WFDC1: variants seen among roughly 807,000 people sequenced by gnomAD.
WFDC1 encodes the protein WAP four-disulfide core domain protein 1.
Under a neutral mutation model 32.9 loss-of-function variants are expected in WFDC1, and 39 were observed. The observed-to-expected ratio is 1.19, with a 90% confidence interval of 0.92 to 1.55. The LOEUF is 1.55. Among genes scored for constraint, WFDC1 ranks in the 40% most tolerant of loss-of-function variants. The pLI is 0.00. For synonymous variants in WFDC1, 184 were observed against 137.4 expected (o/e 1.34, Z -2.37); for missense variants, 386 against 309.5 (o/e 1.25, Z -1.85).
chr16:84,305,025 G>A (rs1907168920), intron 1 of WFDC1, among the ~76,000 whole-genome samples: 1 of 152,156 alleles, frequency 6.6e-6, no homozygotes, highest in East Asian at 1.9e-4. Flanking sequence ...TTCGAGTCCT[G>A]CCTCTGACTC....
Position 84,319,552 on chromosome 16 carries a change from C to G in WFDC1, c.543C>G (p.Val181=). ...AEGIPNRGQC[V]KQRRQADGRI... ...GTATCCCCAACCGTGGGCAGTGCGT[C>G]AAGCAGCGCCGGCAAGCAGGTGAGT... Residue 181 remains valine, a synonymous_variant, in exon 4 of 7, where the codon GTC becomes GTG. Coordinates refer to ENST00000219454, the MANE Select transcript of WFDC1 (RefSeq NM_021197.4). 6.2e-7 allele frequency: 1 copy of G among 1,612,820 alleles called. No homozygotes were observed. Among genetic ancestry groups the G allele is most frequent in the Non-Finnish European group, 8.5e-7 (1 of 1,179,932 alleles).
rs192941432 is a variant in WFDC1, at chr16:84,296,109, C to G, written c.144+994C>G. Reference sequence around the variant, plus strand: ...TCCCACCCCCCAGAGATCACAGATCCGCAGGGACGGAGTGAGCCAGGACGA... The same window carrying G: ...TCCCACCCCCCAGAGATCACAGATCGGCAGGGACGGAGTGAGCCAGGACGA... On this transcript the variant is annotated intron_variant, in intron 1 of 6. Transcript: ENST00000219454. 4.6e-3 allele frequency among the ~76,000 whole-genome samples: 701 copies of G among 152,248 alleles called. 2 individuals are homozygous for G. The highest frequency in any genetic ancestry group is 0.034 in the Middle Eastern group (10 of 294).
chr16:84,297,279 T>C (rs1362045079), intron 1 of WFDC1, among the ~76,000 whole-genome samples: 8 of 152,180 alleles, frequency 5.3e-5, no homozygotes, highest in Non-Finnish European at 1.5e-5. Flanking sequence ...TCAACAGATA[T>C]TGGCCTCCTT....
chr16:84,317,913 T>C (rs996696009), intron 2 of WFDC1: 13 of 227,660 alleles, frequency 5.7e-5, no homozygotes, highest in Non-Finnish European at 9.2e-5. Flanking sequence ...GTCTGACTGA[T>C]GTCCTTGTCC....
At chr16:84,307,423 C>T (rs1907328167) in intron 1 of WFDC1, among the ~76,000 whole-genome samples, 1 of 152,214 alleles carries the variant, frequency 6.6e-6, no homozygotes, top group Non-Finnish European at 1.5e-5. Flanking sequence ...TCTGTTGTTT[C>T]AGTCACGCAG....
chr16:84,320,028 T>C (rs1908216923), intron 4 of WFDC1, among the ~76,000 whole-genome samples: 1 of 152,222 alleles, frequency 6.6e-6, no homozygotes, highest in Non-Finnish European at 1.5e-5. Context: ...CTTACGATGG[T>C]CAACTTAAGA....
chr16:84,317,539 G>A (rs71404160), intron 2 of WFDC1: 8,963 of 151,964 alleles, frequency 0.059, 398 homozygotes, highest in Non-Finnish European at 0.085. Context: ...GCCTTTTGAA[G>A]GCCTTCCCAT....
intron 1 of WFDC1, among the ~76,000 whole-genome samples, chr16:84,301,293 C>T (rs244830): frequency 0.29 from 44,232 of 152,088 alleles, 7,029 homozygotes; most frequent in East Asian, 0.48. Context: ...CCCTCGGACA[C>T]GAATACAGTC....
At chr16:84,322,615 T>C (rs966073526) in intron 4 of WFDC1, among the ~76,000 whole-genome samples, 4 of 152,264 alleles carry the variant, frequency 2.6e-5, no homozygotes, top group African/African-American at 9.6e-5. Flanking sequence ...CGACAGGCCC[T>C]GTGCCGACAC....
At chr16:84,326,860 C>G in intron 5 of WFDC1, 22 bp from the exon 6 acceptor site, 1 of 1,613,986 alleles carries the variant, frequency 6.2e-7, no homozygotes, top group Non-Finnish European at 8.5e-7. Context: ...TCTACCCCAA[C>G]AGAGCTGTGT....
At chr16:84,302,570 C>A (rs1907006480) in intron 1 of WFDC1, among the ~76,000 whole-genome samples, 1 of 152,144 alleles carries the variant, frequency 6.6e-6, no homozygotes, top group Non-Finnish European at 1.5e-5. Flanking sequence ...TCCGAGGCCT[C>A]TCCCTGAATG....
At chr16:84,319,048 GTA>G (rs1281174949) in intron 3 of WFDC1, 85 of 275,834 alleles carry the variant, frequency 3.1e-4, no homozygotes, top group Admixed American at 1.2e-3. Flanking sequence ...GGATGCGTGC[GTA>G]TATGTCTGTG....
At chr16:84,323,574 GA>G (rs1465775127) in intron 4 of WFDC1, among the ~76,000 whole-genome samples, 1 of 152,196 alleles carries the variant, frequency 6.6e-6, no homozygotes, top group Non-Finnish European at 1.5e-5. Context: ...TGTTTTAAAT[GA>G]AATTGTTTCT....
At chr16:84,310,915 G>T (rs1345323576) in intron 1 of WFDC1, among the ~76,000 whole-genome samples, 1 of 152,158 alleles carries the variant, frequency 6.6e-6, no homozygotes, top group Non-Finnish European at 1.5e-5. Flanking sequence ...GAATATGTTG[G>T]GGGAGGACTT....
chr16:84,317,961 AG>A, intron 2 of WFDC1: 1 of 290,240 alleles, frequency 3.4e-6, no homozygotes, highest in South Asian at 4.2e-5. Flanking sequence ...AGGAAGGAAA[AG>A]AGGGAGGGAG....
intron 1 of WFDC1, among the ~76,000 whole-genome samples, chr16:84,308,502 A>C (rs1907403790): frequency 6.6e-6 from 1 of 152,248 alleles, no homozygotes; most frequent in South Asian, 2.1e-4. Flanking sequence ...AGCTGCCCTC[A>C]GAAGGCTGTT....
At chr16:84,301,826 A>G (rs929116978) in intron 1 of WFDC1, among the ~76,000 whole-genome samples, 29 of 152,268 alleles carry the variant, frequency 1.9e-4, no homozygotes, top group African/African-American at 7.0e-4. Context: ...TGGGACTGAG[A>G]TTCCTCATCT....
rs564569657 is a variant in WFDC1, at chr16:84,308,264, A to C, written c.145-4697A>C. 2.6e-5 allele frequency among the ~76,000 whole-genome samples: 4 copies of C among 151,940 alleles called. No homozygotes were observed. The South Asian group carries it at 8.3e-4, about 32-fold the overall frequency. ...GAAAACCTCTGGCCTTGGTGATTCC[A>C]CCAATTCCCAGGGGCACCCGGCCCG... On this transcript the variant is annotated intron_variant, in intron 1 of 6. Coordinates refer to ENST00000219454, the MANE Select transcript of WFDC1 (RefSeq NM_021197.4).
chr16:84,298,702 G>A (rs572964412), intron 1 of WFDC1, among the ~76,000 whole-genome samples: 6 of 152,338 alleles, frequency 3.9e-5, no homozygotes, highest in Non-Finnish European at 7.3e-5. Flanking sequence ...CCCCGGCAGA[G>A]TGAGTTTTGT....
Sources: gnomAD v4.1 joint callset for allele counts (sites outside exome capture counted in the v4.1 genomes callset) on GRCh38, gnomAD v4.1.1 for gene constraint, MANE v1.5 for transcripts, NCBI Gene and HGNC (gene_info 2026-07-23, HGNC 2026-07-21) for gene names.